Variants in SLAIN2 observed in about 807,000 individuals in gnomAD.
SLAIN2 encodes the protein SLAIN motif-containing protein 2.
Under a neutral mutation model 56.6 loss-of-function variants are expected in SLAIN2, and 31 were observed. The ratio of observed to expected loss-of-function variants is 0.55; its 90% CI spans 0.41 to 0.74. The LOEUF (loss-of-function observed/expected upper bound fraction) is 0.74. Among genes scored for constraint, SLAIN2 ranks in the 30% least tolerant of loss-of-function variants. The probability of loss-of-function intolerance (pLI) is 0.00; values close to 1 mark genes in which losing one functional copy is unlikely to be tolerated. For missense variants in SLAIN2, 777 were observed against 754.2 expected, an observed-to-expected ratio of 1.03 and a Z score of -0.35; for synonymous variants, 317 against 284.9, an observed-to-expected ratio of 1.11 and a Z score of -1.13.
At chr4:48,376,652 C>T (rs1367305742) in intron 2 of SLAIN2, among the ~76,000 whole-genome samples, 6 of 124,120 alleles carry the variant, frequency 4.8e-5, no homozygotes, top group Non-Finnish European at 1.6e-5. Context: ...GACGGAGTCT[C>T]GCTCTGTCAC....
At chr4:48,408,512 G>C (rs1197301242) in intron 6 of SLAIN2, among the ~76,000 whole-genome samples, 4 of 90,498 alleles carry the variant, frequency 4.4e-5, no homozygotes, top group Non-Finnish European at 6.2e-5. Context: ...TTATGTGTGT[G>C]TTTCTGTCCG....
rs1301720610 is a variant in SLAIN2 at position 48,420,149 on chromosome 4, C to A, written c.1385C>A (p.Ser462Tyr). The change falls in exon 7 of 8, where the codon TCC (serine) becomes TAC (tyrosine). Residue 462 changes from serine to tyrosine, a missense_variant. Ser to Tyr is a moderately radical substitution (Grantham distance 144, BLOSUM62 -2). Coordinates refer to ENST00000264313, the MANE Select transcript of SLAIN2 (RefSeq NM_020846.2). ...GTACCTTCTCCAGGCAAATTCCGTTCCCCTGCAGCACCATCTCCTTTGGCT... is the reference window on the plus strand; with the variant it reads ...GTACCTTCTCCAGGCAAATTCCGTTACCCTGCAGCACCATCTCCTTTGGCT... ...SAIPSPGKFRSPAAPSPLALR... is the reference protein window; with the variant it reads ...SAIPSPGKFRYPAAPSPLALR... The A allele has an allele frequency of 3.1e-6, 5 of 1,613,878 alleles. No homozygotes were observed. Among genetic ancestry groups the A allele is most frequent in the Non-Finnish European group, 4.2e-6 (5 of 1,179,824 alleles).
chr4:48,342,546 C>T (rs1360356503), intron 1 of SLAIN2, among the ~76,000 whole-genome samples: 1 of 151,888 alleles, frequency 6.6e-6, no homozygotes, highest in Non-Finnish European at 1.5e-5. Flanking sequence ...GAGGTATCAC[C>T]AGGTGTGGGG....
chr4:48,351,529 A>T (rs1715009030), intron 1 of SLAIN2, among the ~76,000 whole-genome samples: 1 of 152,188 alleles, frequency 6.6e-6, no homozygotes, highest in African/African-American at 2.4e-5. Context: ...TAAGAAGCAA[A>T]ACCCAAAAAA....
chr4:48,360,321 G>GTGGC (rs746513637), intron 1 of SLAIN2, among the ~76,000 whole-genome samples: 2 of 152,028 alleles, frequency 1.3e-5, no homozygotes, highest in East Asian at 3.9e-4. Context: ...GCTGGGCAGG[G>GTGGC]TGGCTCATGC....
chr4:48,380,669 C>T (rs948297994), intron 4 of SLAIN2, among the ~76,000 whole-genome samples: 5 of 152,250 alleles, frequency 3.3e-5, no homozygotes, highest in African/African-American at 1.2e-4. Context: ...TTAGAAGATG[C>T]CATCTGCATA....
intron 5 of SLAIN2, 86 bp from the exon 6 acceptor site, chr4:48,383,561 C>T (rs1716025232): frequency 8.8e-7 from 1 of 1,131,978 alleles, no homozygotes; most frequent in South Asian, 1.9e-5. Context: ...GTTTGATAAA[C>T]AATTTGATTT....
chr4:48,400,055 T>C (rs901372356), intron 6 of SLAIN2, among the ~76,000 whole-genome samples: 2 of 152,208 alleles, frequency 1.3e-5, no homozygotes, highest in Non-Finnish European at 2.9e-5. Context: ...TTCAATTGTT[T>C]GGAATAGTTT....
intron 1 of SLAIN2, among the ~76,000 whole-genome samples, chr4:48,364,886 G>A (rs543907092): frequency 2.1e-5 from 3 of 144,126 alleles, no homozygotes; most frequent in Non-Finnish European, 4.6e-5. Flanking sequence ...GAGGGGGAGG[G>A]GGAGGGGGAG....
intron 6 of SLAIN2, among the ~76,000 whole-genome samples, chr4:48,411,992 T>C (rs1716858922): frequency 6.7e-6 from 1 of 148,894 alleles, no homozygotes; most frequent in South Asian, 2.3e-4. Context: ...TTGCTCTGTA[T>C]GTTTTTATGG....
chr4:48,348,087 G>A (rs1714916302), intron 1 of SLAIN2, among the ~76,000 whole-genome samples: 1 of 152,184 alleles, frequency 6.6e-6, no homozygotes, highest in South Asian at 2.1e-4. Flanking sequence ...TTAGCTTGGG[G>A]AAGAGAACTT....
At chr4:48,394,634 A>G (rs748508707) in intron 6 of SLAIN2, 34 of 1,535,806 alleles carry the variant, frequency 2.2e-5, no homozygotes, top group African/African-American at 4.1e-5. Flanking sequence ...AGTTGCTTCA[A>G]ACTTCATCTA....
At chr4:48,349,439 A>G (rs934921347) in intron 1 of SLAIN2, among the ~76,000 whole-genome samples, 3 of 152,242 alleles carry the variant, frequency 2.0e-5, no homozygotes, top group African/African-American at 4.8e-5. Flanking sequence ...GATTCTGAAT[A>G]ATGGCAGTAT....
chr4:48,376,913 C>CTTT (rs11347630), intron 2 of SLAIN2, among the ~76,000 whole-genome samples: 5 of 111,742 alleles, frequency 4.5e-5, no homozygotes, highest in African/African-American at 1.7e-4. Flanking sequence ...GCCCGGCCGA[C>CTTT]TTTTTTTTTT....
chr4:48,400,388 CTTTTTTTTTTTTTT>C lies in SLAIN2; in HGVS notation c.1360+16617_1360+16630del, dbSNP rs3081372. 3.6e-4 allele frequency among the ~76,000 whole-genome samples: 35 copies of C among 96,454 alleles called. No homozygotes were observed. In the Admixed American group the frequency reaches 4.1e-3, roughly 11 times the overall value. The allele number at this position is 96,454 out of a possible 152,430, so 63.3% of individuals were successfully genotyped here. On this transcript the variant is annotated intron_variant, in intron 6 of 7. Coordinates refer to ENST00000264313, the MANE Select transcript of SLAIN2 (RefSeq NM_020846.2). ...TTCTGATTGTGTCTGTTTGATTCTT[CTTTTTTTTTTTTTT>C]TTTTTTTTTTTTGAGACAGAGTCTT...
At chr4:48,394,580 G>T in intron 6 of SLAIN2, 2 of 1,535,620 alleles carry the variant, frequency 1.3e-6, no homozygotes, top group Non-Finnish European at 1.7e-6. Flanking sequence ...CAACAGCTTC[G>T]CAAAGGCTGA....
At chr4:48,389,980 C>G (rs539112092) in intron 6 of SLAIN2, among the ~76,000 whole-genome samples, 44 of 152,010 alleles carry the variant, frequency 2.9e-4, no homozygotes, top group Non-Finnish European at 4.7e-4. Context: ...ACCACTTAGG[C>G]TATTATTGCA....
chr4:48,391,787 A>G (rs919703148), intron 6 of SLAIN2, among the ~76,000 whole-genome samples: 1 of 152,260 alleles, frequency 6.6e-6, no homozygotes, highest in African/African-American at 2.4e-5. Flanking sequence ...ATGACCAGAG[A>G]TTAATAAATG....
At chr4:48,354,767 T>C (rs1194229911) in intron 1 of SLAIN2, among the ~76,000 whole-genome samples, 1 of 151,878 alleles carries the variant, frequency 6.6e-6, no homozygotes, top group Middle Eastern at 3.2e-3. Flanking sequence ...CCCAGCCTGT[T>C]ATGGGTATTT....
Sources: allele counts gnomAD v4.1 joint callset (sites outside exome capture counted in the v4.1 genomes callset), GRCh38; gene constraint gnomAD v4.1.1; transcripts MANE v1.5; gene names NCBI Gene and HGNC (gene_info 2026-07-23, HGNC 2026-07-21).